Variants in SULT1E1 observed in about 807,000 individuals in gnomAD.
The protein encoded by SULT1E1 is sulfotransferase 1E1.
Under a neutral mutation model 33.6 loss-of-function variants are expected in SULT1E1, and 36 were observed. That is an observed-to-expected ratio of 1.07 (90% CI 0.82 to 1.41). The LOEUF is 1.41. Ranked by LOEUF, SULT1E1 falls within the 40% of genes most tolerant of loss-of-function variation. SULT1E1 has a pLI of 0.00. For synonymous variants in SULT1E1, 121 were observed against 111.7 expected (o/e 1.08, Z -0.53); for missense variants, 371 against 345.7 (o/e 1.07, Z -0.58).
At chr4:69,832,304 G>A in the SULT1E1 span, among the ~76,000 whole-genome samples, 1 of 152,132 alleles carries the variant, frequency 6.6e-6, no homozygotes, top group Admixed American at 6.6e-5. Flanking sequence ...CCCATGGCTG[G>A]GAGCCCCAGA....
the SULT1E1 span, among the ~76,000 whole-genome samples, chr4:69,833,312 T>A: frequency 6.6e-6 from 1 of 152,204 alleles, no homozygotes; most frequent in Non-Finnish European, 1.5e-5. Context: ...CATCTTAGCA[T>A]GAAAATTGTT....
At chr4:69,831,715 A>G in the SULT1E1 span, among the ~76,000 whole-genome samples, 4 of 152,084 alleles carry the variant, frequency 2.6e-5, no homozygotes, top group African/African-American at 9.7e-5. Flanking sequence ...ACCGTCTCCT[A>G]TTACGGGAGT....
chr4:69,822,133 T>C, the SULT1E1 span, among the ~76,000 whole-genome samples: 46 of 152,352 alleles, frequency 3.0e-4, no homozygotes, highest in East Asian at 8.5e-3. Context: ...AATTAGGTTT[T>C]ATGTAATTAT....
intron 2 of SULT1E1, 40 bp from the exon 3 acceptor site, chr4:69,855,466 G>A: frequency 6.3e-7 from 1 of 1,580,876 alleles, no homozygotes. Flanking sequence ...TGCTGACCCT[G>A]TAGAGTTGAT....
rs934304827 is a variant in SULT1E1, at chr4:69,854,238, T to C, written c.348A>G (p.Ser116=). ...TTACCTTACAATCCTTTTCCCAAAA[T>C]GAGGCAGGAAGAAGTTCAGGTGGCA... ...THLPPELLPA[S]FWEKDCKIIY... is the part of the protein sequence containing the mutation. The change falls in exon 4 of 8, where the codon TCA becomes TCG. Residue 116 remains serine (S), a synonymous_variant. Coordinates refer to ENST00000226444, the MANE Select transcript of SULT1E1 (RefSeq NM_005420.3). 3.7e-6 allele frequency: 6 copies of C among 1,612,028 alleles called. No homozygotes were observed. The highest frequency in any genetic ancestry group is 1.3e-5 in the African/African-American group (1 of 74,900).
At chr4:69,850,131 T>C (rs1055166412) in intron 4 of SULT1E1, among the ~76,000 whole-genome samples, 4 of 152,068 alleles carry the variant, frequency 2.6e-5, no homozygotes, top group African/African-American at 9.7e-5. Flanking sequence ...CCATTTTACA[T>C]GCAGAAGAAA....
chr4:69,842,072 T>C lies in SULT1E1; in HGVS notation c.807A>G (p.Val269=). ...GTTTATCAAATTTTTCATTCAGGGCTACTGTAAAGTGATTTTTCCAGTCTC... is the reference window on the plus strand; with the variant it reads ...GTTTATCAAATTTTTCATTCAGGGCCACTGTAAAGTGATTTTTCCAGTCTC... ...ITGDWKNHFT[V]ALNEKFDKHY... is the part of the protein sequence containing the mutation. Residue 269 remains valine (V), a synonymous_variant, in exon 8 of 8, where the codon GTA becomes GTG. Transcript: ENST00000226444. 1 of 1,610,938 alleles carries C rather than the reference T, an allele frequency of 6.2e-7. No homozygotes were observed. The highest frequency in any genetic ancestry group is 8.5e-7 in the Non-Finnish European group (1 of 1,178,720).
At chr4:69,831,924 C>T in the SULT1E1 span, among the ~76,000 whole-genome samples, 2 of 151,982 alleles carry the variant, frequency 1.3e-5, no homozygotes, top group Non-Finnish European at 2.9e-5. Context: ...CCATCTCTCA[C>T]GCAGTTTCAC....
At chr4:69,831,861 A>G in the SULT1E1 span, among the ~76,000 whole-genome samples, 3,173 of 152,258 alleles carry the variant, frequency 0.021, 50 homozygotes, top group Middle Eastern at 0.044. Context: ...CACAGTCCAC[A>G]CTAAGAGATC....
chr4:69,842,096 T>C lies in SULT1E1; in HGVS notation c.783A>G (p.Gly261=). The C allele has an allele frequency of 6.4e-7, 1 of 1,557,278 alleles. No individual in the cohort carries two copies. Among genetic ancestry groups the C allele is most frequent in the Non-Finnish European group, 8.8e-7 (1 of 1,137,536 alleles). ...LSPFMRKGIT[G]DWKNHFTVAL... is the part of the protein sequence containing the mutation. ...CTACTGTAAAGTGATTTTTCCAGTC[T>C]CCTGTAATTCCTGTAACAAAAAAGA... The change falls in exon 8 of 8, where the codon GGA becomes GGG. Residue 261 remains glycine, a synonymous_variant. Coordinates refer to ENST00000226444, the MANE Select transcript of SULT1E1 (RefSeq NM_005420.3).
chr4:69,837,223 T>C (rs2110062716), downstream of SULT1E1, among the ~76,000 whole-genome samples: 1 of 152,336 alleles, frequency 6.6e-6, no homozygotes, highest in Non-Finnish European at 1.5e-5. Context: ...GTACATTGTA[T>C]AGATTTTCTT....
At chr4:69,857,428 A>G in intron 2 of SULT1E1, 72 bp downstream of exon 2, 1 of 1,505,246 alleles carries the variant, frequency 6.6e-7, no homozygotes, top group Non-Finnish European at 8.9e-7. Flanking sequence ...GTACGACATG[A>G]ACACCTTAAT....
At chr4:69,824,161 C>A in the SULT1E1 span, among the ~76,000 whole-genome samples, 1 of 152,176 alleles carries the variant, frequency 6.6e-6, no homozygotes, top group Non-Finnish European at 1.5e-5. Flanking sequence ...GAGTGCGGTA[C>A]CTGGATTGTC....
chr4:69,848,897 C>T (rs1721039818), intron 5 of SULT1E1, among the ~76,000 whole-genome samples: 1 of 151,800 alleles, frequency 6.6e-6, no homozygotes, highest in South Asian at 2.1e-4. Flanking sequence ...AATATCTGCT[C>T]AAGTAACTCT....
intron 1 of SULT1E1, among the ~76,000 whole-genome samples, chr4:69,858,381 C>T (rs180934207): frequency 6.6e-6 from 1 of 152,208 alleles, no homozygotes; most frequent in Non-Finnish European, 1.5e-5. Flanking sequence ...TCTCCTGATC[C>T]CATGACAATC....
chr4:69,831,739 T>C, the SULT1E1 span, among the ~76,000 whole-genome samples: 1 of 152,138 alleles, frequency 6.6e-6, no homozygotes, highest in South Asian at 2.1e-4. Context: ...CAGATGCTGC[T>C]TAGCTAGGAG....
chr4:69,844,447 G>A (rs2110066087), intron 6 of SULT1E1, 106 bp from the exon 7 acceptor site: 5 of 805,882 alleles, frequency 6.2e-6, no homozygotes, highest in East Asian at 2.9e-5. Flanking sequence ...ACTGATATTA[G>A]AATTAGATTT....
the SULT1E1 span, among the ~76,000 whole-genome samples, chr4:69,834,949 A>G: frequency 1.3e-5 from 2 of 152,306 alleles, no homozygotes; most frequent in South Asian, 4.1e-4. Flanking sequence ...TGCTGGTTAC[A>G]AAGCTGCTGA....
intron 7 of SULT1E1, among the ~76,000 whole-genome samples, chr4:69,843,109 T>G (rs1386197576): frequency 2.6e-5 from 4 of 152,160 alleles, no homozygotes; most frequent in African/African-American, 9.7e-5. Flanking sequence ...GTGCTGGGAT[T>G]ACAGGTGTGA....
Sources: gnomAD v4.1 joint callset for allele counts (sites outside exome capture counted in the v4.1 genomes callset) on GRCh38, gnomAD v4.1.1 for gene constraint, MANE v1.5 for transcripts, NCBI Gene and HGNC (gene_info 2026-07-23, HGNC 2026-07-21) for gene names.